Variants in TCF7L2 observed in about 807,000 individuals in gnomAD.
TCF7L2 encodes the protein transcription factor 7 like 2, also known as transcription factor 7-like 2.
A neutral mutation model predicts 77.9 loss-of-function variants in TCF7L2; 23 were observed. The observed-to-expected ratio is 0.30, with a 90% CI of 0.21 to 0.42. TCF7L2 has a LOEUF of 0.42. TCF7L2 is among the 10% of genes least tolerant of loss of function. The pLI is 1.00. For missense variants in TCF7L2, 654 were observed against 793.1 expected (o/e 0.82, Z 2.11); for synonymous variants, 413 against 340.2 (o/e 1.21, Z -2.36).
chr10:113,038,521 C>T (rs1264536566), intron 4 of TCF7L2, among the ~76,000 whole-genome samples: 1 of 152,160 alleles, frequency 6.6e-6, no homozygotes, highest in Non-Finnish European at 1.5e-5. Flanking sequence ...GTCGTATCTT[C>T]GAGGAACTCC....
At chr10:113,070,937 C>T (rs1249120865) in intron 5 of TCF7L2, among the ~76,000 whole-genome samples, 4 of 152,146 alleles carry the variant, frequency 2.6e-5, no homozygotes, top group Non-Finnish European at 5.9e-5. Flanking sequence ...TAGCCACTCC[C>T]CATTTTCCCT....
chr10:112,969,460 CT>C (rs2037751582), intron 4 of TCF7L2, among the ~76,000 whole-genome samples: 1 of 152,188 alleles, frequency 6.6e-6, no homozygotes, highest in African/African-American at 2.4e-5. Flanking sequence ...TCCCACACAT[CT>C]TTTGGGGAAA....
At chr10:113,016,410 A>G (rs2047350436) in intron 4 of TCF7L2, among the ~76,000 whole-genome samples, 1 of 152,186 alleles carries the variant, frequency 6.6e-6, no homozygotes, top group Non-Finnish European at 1.5e-5. Context: ...TATCTGGGGA[A>G]TCAGCTTGCT....
At chr10:113,039,910 T>G in intron 4 of TCF7L2, 115 bp from the exon 5 acceptor site, 1 of 825,512 alleles carries the variant, frequency 1.2e-6, no homozygotes, top group Non-Finnish European at 1.9e-6. Context: ...ATTATTTGCA[T>G]GCTTGTATGT....
chr10:113,073,144 G>GAGAGAC (rs1555010254), intron 5 of TCF7L2, among the ~76,000 whole-genome samples: 8 of 150,974 alleles, frequency 5.3e-5, no homozygotes, highest in Non-Finnish European at 8.9e-5. Context: ...GAGAGAGAGA[G>GAGAGAC]AGAGAGACAG....
chr10:113,015,965 T>TG (rs1379030476), intron 4 of TCF7L2, among the ~76,000 whole-genome samples: 13 of 152,150 alleles, frequency 8.5e-5, no homozygotes, highest in Admixed American at 7.9e-4. Flanking sequence ...CCTTGGGGTC[T>TG]GGGGTTAAGA....
intron 4 of TCF7L2, among the ~76,000 whole-genome samples, chr10:112,982,195 T>C (rs1225759223): frequency 6.6e-6 from 1 of 152,248 alleles, no homozygotes; most frequent in Non-Finnish European, 1.5e-5. Flanking sequence ...GTATGAACTT[T>C]TCTCTATCCC....
At chr10:113,048,785 A>T (rs2053887737) in intron 5 of TCF7L2, among the ~76,000 whole-genome samples, 1 of 152,216 alleles carries the variant, frequency 6.6e-6, no homozygotes, top group South Asian at 2.1e-4. Flanking sequence ...GTTTCTGAGG[A>T]ATCCTGGGAT....
chr10:112,972,370 C>G (rs754318911), intron 4 of TCF7L2, among the ~76,000 whole-genome samples: 1 of 152,170 alleles, frequency 6.6e-6, no homozygotes, highest in Non-Finnish European at 1.5e-5. Flanking sequence ...CAATAAGGTG[C>G]TTAGACTTTG....
At chr10:113,163,409 G>A (rs1425267603) in intron 13 of TCF7L2, among the ~76,000 whole-genome samples, 1 of 152,068 alleles carries the variant, frequency 6.6e-6, no homozygotes. Flanking sequence ...TTGTCTTCCT[G>A]GTTGTTCTCC....
intron 4 of TCF7L2, among the ~76,000 whole-genome samples, chr10:112,985,696 G>A (rs1051505055): frequency 2.6e-5 from 4 of 152,188 alleles, no homozygotes; most frequent in Admixed American, 1.3e-4. Context: ...AAGGGTCCTC[G>A]ATTGGAGCCT....
intron 13 of TCF7L2, among the ~76,000 whole-genome samples, chr10:113,164,590 A>G (rs1231230440): frequency 1.1e-4 from 13 of 119,560 alleles, no homozygotes; most frequent in Non-Finnish European, 2.2e-4. Context: ...GGAAAGCCCC[A>G]AATCTTAAAA....
intron 5 of TCF7L2, among the ~76,000 whole-genome samples, chr10:113,140,073 T>C (rs1426684029): frequency 6.6e-6 from 1 of 152,218 alleles, no homozygotes; most frequent in Admixed American, 6.5e-5. Context: ...TGGTACCTAA[T>C]CTGGTTAAAT....
chr10:113,032,568 A>T (rs1200904716), intron 4 of TCF7L2, among the ~76,000 whole-genome samples: 1 of 152,186 alleles, frequency 6.6e-6, no homozygotes, highest in East Asian at 1.9e-4. Context: ...GTACTTTGAG[A>T]CACACATCCT....
At chr10:113,138,779 G>A (rs574663137) in intron 5 of TCF7L2, among the ~76,000 whole-genome samples, 111 of 152,158 alleles carry the variant, frequency 7.3e-4, no homozygotes, top group African/African-American at 2.6e-3. Context: ...TCCTCATGGC[G>A]GAACACAAGA....
At chr10:113,064,925 A>T (rs1262876402) in intron 5 of TCF7L2, among the ~76,000 whole-genome samples, 1 of 152,232 alleles carries the variant, frequency 6.6e-6, no homozygotes, top group African/African-American at 2.4e-5. Flanking sequence ...TAAACTTGTC[A>T]ATTGCCATTG....
chr10:113,158,058 G>C lies in TCF7L2; in HGVS notation c.1307G>C (p.Gly436Ala), dbSNP rs1242680773. The C allele has an allele frequency of 1.9e-6, 3 of 1,598,572 alleles. No homozygotes were observed. Among genetic ancestry groups the C allele is most frequent in the Non-Finnish European group, 2.6e-6 (3 of 1,171,694 alleles). Residue 436 changes from glycine to alanine, a missense_variant, in exon 12 of 14, where the codon GGA becomes GCA. Gly to Ala is a moderately conservative substitution (Grantham distance 60). This residue lies in a region of TCF7L2 where 272 missense variants were observed against 215.4 expected (regional missense o/e 1.26). Transcript: ENST00000627217. ...AAGAGGAAAAGGGACAAGCAGCCGG[G>C]AGAGACCAATGGTAAGTGACAATCA...
chr10:113,046,132 G>T (rs374535065), intron 5 of TCF7L2, among the ~76,000 whole-genome samples: 1 of 152,172 alleles, frequency 6.6e-6, no homozygotes, highest in East Asian at 1.9e-4. Flanking sequence ...TCTCCTCCCA[G>T]AAACTCTGTC....
chr10:113,012,112 T>G (rs2133638531), intron 4 of TCF7L2, among the ~76,000 whole-genome samples: 1 of 152,326 alleles, frequency 6.6e-6, no homozygotes. Context: ...TTTTCAAACT[T>G]TGCAACACAT....
Sources: allele counts gnomAD v4.1 joint callset (sites outside exome capture counted in the v4.1 genomes callset), GRCh38; gene constraint gnomAD v4.1.1; regional missense constraint gnomAD v4.1.1; transcripts MANE v1.5; gene names NCBI Gene and HGNC (gene_info 2026-07-23, HGNC 2026-07-21).